USH2A: variants seen among roughly 807,000 people sequenced by gnomAD.
The protein encoded by USH2A is Usher syndrome 2A (autosomal recessive, mild).
USH2A carries 443 observed loss-of-function variants against 538.9 expected under a neutral mutation model. The observed-to-expected ratio is 0.82, with a 90% CI of 0.76 to 0.89. USH2A has a LOEUF of 0.89. Among genes scored for constraint, USH2A ranks in the 40% least tolerant of loss-of-function variants. The probability of loss-of-function intolerance (pLI) is 0.00; values close to 1 mark genes in which losing one functional copy is unlikely to be tolerated. For missense variants in USH2A, 6,633 were observed against 6,324.8 expected (o/e 1.05, Z -1.65); for synonymous variants, 2,413 against 2,273.5 (o/e 1.06, Z -1.75).
At chr1:216,285,733 G>A (rs2036870322) in intron 11 of USH2A, among the ~76,000 whole-genome samples, 1 of 152,242 alleles carries the variant, frequency 6.6e-6, no homozygotes, top group African/African-American at 2.4e-5. Flanking sequence ...CAAAGCCACA[G>A]GGGCCGAGCT....
intron 40 of USH2A, among the ~76,000 whole-genome samples, chr1:215,893,771 T>A (rs1665261827): frequency 6.6e-6 from 1 of 152,144 alleles, no homozygotes; most frequent in Non-Finnish European, 1.5e-5. Flanking sequence ...TTCGAGAGCT[T>A]AAGTGGGAAA....
At chr1:215,864,178 A>G (rs2102437826) in intron 44 of USH2A, among the ~76,000 whole-genome samples, 1 of 152,244 alleles carries the variant, frequency 6.6e-6, no homozygotes, top group South Asian at 2.1e-4. Flanking sequence ...TTCTTGTTAA[A>G]GTGTTAATGA....
At chr1:215,936,788 A>ATCTC (rs1666510325) in intron 37 of USH2A, among the ~76,000 whole-genome samples, 1 of 152,084 alleles carries the variant, frequency 6.6e-6, no homozygotes, top group Non-Finnish European at 1.5e-5. Flanking sequence ...TTTTCAATGA[A>ATCTC]TAAAGCAGCA....
chr1:215,805,875 A>C (rs939870955), intron 49 of USH2A, among the ~76,000 whole-genome samples: 1 of 151,928 alleles, frequency 6.6e-6, no homozygotes, highest in Admixed American at 6.6e-5. Flanking sequence ...AAAGCCAAGA[A>C]TGAGGGCACC....
chr1:216,008,985 C>T (rs1238949442), intron 32 of USH2A, among the ~76,000 whole-genome samples: 1 of 152,046 alleles, frequency 6.6e-6, no homozygotes, highest in Non-Finnish European at 1.5e-5. Context: ...TCTTCTCCTT[C>T]ACCCTTAGCA....
chr1:215,689,060 C>A lies in USH2A; in HGVS notation c.12067-8684G>T, dbSNP rs573559739. 2.6e-5 allele frequency among the ~76,000 whole-genome samples: 4 copies of A among 152,030 alleles called. No homozygotes were observed. In the East Asian group the frequency reaches 7.8e-4, roughly 29 times the overall value. On this transcript the variant is annotated intron_variant, in intron 61 of 71. Coordinates refer to ENST00000307340, the MANE Select transcript of USH2A (RefSeq NM_206933.4). Reference sequence around the variant, plus strand: ...GCAAGGGAAAGAGAGGAATGAAGGACGACTCTTAGGTTTTTCTTCTTGAGA... The same window carrying A: ...GCAAGGGAAAGAGAGGAATGAAGGAAGACTCTTAGGTTTTTCTTCTTGAGA...
intron 21 of USH2A, among the ~76,000 whole-genome samples, chr1:216,120,162 T>C (rs2033098615): frequency 7.2e-6 from 1 of 139,146 alleles, no homozygotes; most frequent in Admixed American, 8.1e-5. Flanking sequence ...ACTATAAGAT[T>C]GAAAAATAAG....
chr1:215,697,151 G>C (rs1658841673), intron 61 of USH2A, among the ~76,000 whole-genome samples: 1 of 151,582 alleles, frequency 6.6e-6, no homozygotes, highest in African/African-American at 2.4e-5. Flanking sequence ...TAGAGATGTA[G>C]TTTTACCATG....
At chr1:216,250,263 C>T (rs766993075) in intron 12 of USH2A, among the ~76,000 whole-genome samples, 3 of 151,884 alleles carry the variant, frequency 2.0e-5, no homozygotes, top group Non-Finnish European at 2.9e-5. Context: ...CAAAAAAGCA[C>T]GTCTTGTATA....
intron 21 of USH2A, among the ~76,000 whole-genome samples, chr1:216,148,552 T>G (rs533773407): frequency 6.6e-6 from 1 of 152,270 alleles, no homozygotes; most frequent in African/African-American, 2.4e-5. Context: ...CCTCACAGCA[T>G]GCTTTGAAAG....
At chr1:215,785,078 A>AT (rs1392090031) in intron 52 of USH2A, among the ~76,000 whole-genome samples, 1 of 152,202 alleles carries the variant, frequency 6.6e-6, no homozygotes, top group Non-Finnish European at 1.5e-5. Flanking sequence ...TCCAAGAAAT[A>AT]TTTTTTGTTT....
chr1:215,770,942 TAAA>T lies in USH2A; in HGVS notation c.10940-4157_10940-4155del, dbSNP rs59409812. Among the ~76,000 whole-genome samples, 242 of 65,864 alleles carry T rather than the reference TAAA, an allele frequency of 3.7e-3. 1 individual carries two copies. Among genetic ancestry groups the T allele is most frequent in the Middle Eastern group, 0.023 (2 of 86 alleles). 43.2% of individuals were successfully genotyped at this position (65,864 alleles called of 152,430 possible). A position where few individuals can be genotyped will look rare whatever the true frequency, so the allele number is the denominator to read the frequency against. ...CAACATAGTGAAACCCCGTCTCTAC[TAAA>T]AAAAAAAAAAAAAAAAAAAAAACCT... On this transcript the variant is annotated intron_variant, in intron 55 of 71. Transcript: ENST00000307340.
rs189650426 is a variant in USH2A, at chr1:216,047,141, T to A, written c.6164-549A>T. 4.9e-3 allele frequency among the ~76,000 whole-genome samples: 740 copies of A among 152,274 alleles called. 17 individuals carry two copies. The highest frequency in any genetic ancestry group is 0.038 in the Admixed American group (581 of 15,292). On this transcript the variant is annotated intron_variant, in intron 31 of 71. Transcript: ENST00000307340. ...GGTCCTAAGAACTAAACATTTTTTTTAAATTTTCCTAAACTCCTCTATCAT... is the reference window on the plus strand; with the variant it reads ...GGTCCTAAGAACTAAACATTTTTTTAAAATTTTCCTAAACTCCTCTATCAT...
chr1:216,187,264 A>T (rs1409014606), intron 20 of USH2A, among the ~76,000 whole-genome samples: 2 of 151,786 alleles, frequency 1.3e-5, no homozygotes, highest in Non-Finnish European at 2.9e-5. Context: ...TGTTAATCCT[A>T]CCTGTTGGAT....
Position 215,837,584 on chromosome 1 carries a change from C to T in USH2A, c.9371+407G>A, listed in dbSNP as rs187289502. ...GCTTATCTAAACATTATCTGCCCTA[C>T]TAATTTTACAGATTTCTAGCTTTAG... On this transcript the variant is annotated intron_variant, in intron 47 of 71. Coordinates refer to ENST00000307340, the MANE Select transcript of USH2A (RefSeq NM_206933.4). Among the ~76,000 whole-genome samples, 15 of 152,248 alleles carry T rather than the reference C, an allele frequency of 9.9e-5. No individual in the cohort carries two copies. The East Asian group carries it at 2.9e-3, about 29-fold the overall frequency.
chr1:216,257,121 G>T (rs957221293), intron 11 of USH2A, among the ~76,000 whole-genome samples: 1 of 151,728 alleles, frequency 6.6e-6, no homozygotes, highest in African/African-American at 2.4e-5. Flanking sequence ...GCCATTTTGG[G>T]TGCTCTTTGT....
intron 14 of USH2A, among the ~76,000 whole-genome samples, chr1:216,222,959 C>T (rs1446523636): frequency 3.5e-5 from 4 of 114,960 alleles, no homozygotes; most frequent in Non-Finnish European, 6.8e-5. Flanking sequence ...GCCTGGGCAA[C>T]AAGAGCAAAA....
At chr1:216,299,446 A>G (rs890138089) in intron 9 of USH2A, among the ~76,000 whole-genome samples, 7 of 152,166 alleles carry the variant, frequency 4.6e-5, no homozygotes, top group African/African-American at 1.7e-4. Flanking sequence ...CAGATGAGAC[A>G]GGTTTACTAA....
intron 21 of USH2A, among the ~76,000 whole-genome samples, chr1:216,126,170 T>C (rs958408330): frequency 1.3e-5 from 2 of 152,174 alleles, no homozygotes; most frequent in East Asian, 1.9e-4. Flanking sequence ...GAAACAATTG[T>C]AGGAGCTCTT....
Sources: allele counts gnomAD v4.1 joint callset (sites outside exome capture counted in the v4.1 genomes callset), GRCh38; gene constraint gnomAD v4.1.1; transcripts MANE v1.5; gene names NCBI Gene and HGNC (gene_info 2026-07-23, HGNC 2026-07-21).